ZNF202: variants seen among roughly 807,000 people sequenced by gnomAD.
The protein encoded by ZNF202 is zinc finger protein with KRAB and SCAN domains 10.
Under a neutral mutation model 54.5 loss-of-function variants are expected in ZNF202, and 22 were observed. That is an observed-to-expected ratio of 0.40 (90% confidence interval 0.29 to 0.58). The LOEUF is 0.58. Ranked by LOEUF, ZNF202 falls within the 20% of genes least tolerant of loss-of-function variation. The pLI is 0.39. For synonymous variants in ZNF202, 294 were observed against 301.4 expected (o/e 0.98, Z 0.26); for missense variants, 644 against 805.5 (o/e 0.80, Z 2.43).
intron 3 of ZNF202, among the ~76,000 whole-genome samples, chr11:123,735,950 T>C (rs1175606845): frequency 1.3e-5 from 2 of 152,160 alleles, no homozygotes; most frequent in African/African-American, 4.8e-5. Context: ...GAGAATACAA[T>C]AGAGAGAATA....
rs1861057853 is a variant in ZNF202, at chr11:123,724,871, G to A, written c.*1126C>T. ...AGAGTACTCAGTCAGGGATGATGGG[G>A]ACAGGGTGTCAGAACAGTCTTGATG... On this transcript the variant is annotated 3_prime_UTR_variant, in exon 9 of 9. Coordinates refer to ENST00000530393, the MANE Select transcript of ZNF202 (RefSeq NM_003455.4). The A allele has an allele frequency of 6.6e-6, 1 of 152,298 alleles. No individual in the cohort carries two copies. Among genetic ancestry groups the A allele is most frequent in the Admixed American group, 6.5e-5 (1 of 15,286 alleles). 9.4% of individuals were successfully genotyped at this position (152,298 alleles called of 1,614,324 possible). A position where few individuals can be genotyped will look rare whatever the true frequency, so the allele number is the denominator to read the frequency against.
rs148736975 is a variant in ZNF202, at chr11:123,728,355, TAGG to T, written c.703-96_703-94del. 2.1e-4 allele frequency: 291 copies of T among 1,411,524 alleles called. 4 individuals are homozygous for T. In the East Asian group the frequency reaches 8.4e-3, roughly 41 times the overall value. The allele number at this position is 1,411,524 out of a possible 1,614,324, so 87.4% of individuals were successfully genotyped here. Reference sequence around the variant, plus strand: ...AGGTCATACAATAGGTGGACTCCTCTAGGAGATGAAAGGAGCTTGAGTGGCGGG... The same window carrying T: ...AGGTCATACAATAGGTGGACTCCTCTAGATGAAAGGAGCTTGAGTGGCGGG... On this transcript the variant is annotated intron_variant, in intron 6 of 8. Transcript: ENST00000530393.
chr11:123,730,474 TC>T lies in ZNF202; in HGVS notation c.402+12del, dbSNP rs769019397. The T allele has an allele frequency of 4.0e-6, 6 of 1,516,830 alleles. No individual in the cohort carries two copies. The highest frequency in any genetic ancestry group is 2.2e-5 in the Admixed American group (1 of 44,446). The allele number at this position is 1,516,830 out of a possible 1,614,324, so 94.0% of individuals were successfully genotyped here. On this transcript the variant is annotated intron_variant, in intron 4 of 8. Coordinates refer to ENST00000530393, the MANE Select transcript of ZNF202 (RefSeq NM_003455.4). This position sits in a 1 kb window ranked among gnomAD's most constrained non-coding sequence, Gnocchi z 6.0. ...CCCTCCACATCACACAGATCAGGAC[TC>T]CCCCTCCTCACCCACCGCCTTGGTC...
intron 7 of ZNF202, 110 bp downstream of exon 7, chr11:123,728,023 G>T: frequency 1.6e-6 from 2 of 1,228,972 alleles, no homozygotes; most frequent in Non-Finnish European, 1.1e-6. Flanking sequence ...GGTGGGGAAG[G>T]CATAAGAGAA....
In ZNF202 at chr11:123,729,672, C is replaced by T. The variant is rs145114988; in HGVS notation, c.556G>A (p.Ala186Thr). Reference sequence around the variant, plus strand: ...TGGTGTGGACGCTGCTCTGCCGGTGCCCCCAGATCTGGGCTCTGTGTGGTT... The same window carrying T: ...TGGTGTGGACGCTGCTCTGCCGGTGTCCCCAGATCTGGGCTCTGTGTGGTT... ...EETTQSPDLGAPAEQRPHQEE... is the reference protein window; with the variant it reads ...EETTQSPDLGTPAEQRPHQEE... Residue 186 changes from alanine (A) to threonine (T), a missense_variant, in exon 5 of 9, where the codon GCA (alanine) becomes ACA (threonine). By Grantham distance (58) the Ala-to-Thr change is moderately conservative. This residue lies in a region of ZNF202 where 536 missense variants were observed against 635.3 expected (regional missense o/e 0.84). Transcript: ENST00000530393. 4,698 of 1,612,170 alleles carry T rather than the reference C, an allele frequency of 2.9e-3. 11 individuals are homozygous for T. Among genetic ancestry groups the T allele is most frequent in the Non-Finnish European group, 3.1e-3 (3,614 of 1,179,210 alleles).
chr11:123,726,640 G>A lies in ZNF202; in HGVS notation c.1304C>T (p.Thr435Ile). The A allele has an allele frequency of 4.3e-6, 7 of 1,614,166 alleles. No homozygotes were observed. The highest frequency in any genetic ancestry group is 1.1e-5 in the South Asian group (1 of 91,076). Residue 435 changes from threonine to isoleucine, a missense_variant, in exon 9 of 9, where the codon ACA becomes ATA. Transcript: ENST00000530393. This position sits in a 1 kb window ranked among gnomAD's most constrained non-coding sequence, Gnocchi z 6.0. The part of the protein sequence containing the change: ...YKCMECGKSY[T>I]RSSHLARHQK... ...GTGCCTGGCAAGATGTGAGCTTCGT[G>A]TGTAACTTTTTCCACATTCCATACA...
chr11:123,733,682 C>CA (rs1861509822), intron 3 of ZNF202, among the ~76,000 whole-genome samples: 1 of 152,166 alleles, frequency 6.6e-6, no homozygotes, highest in African/African-American at 2.4e-5. Flanking sequence ...CTTGGCCTCC[C>CA]AAAGCACTGT....
chr11:123,729,888 A>G (rs1861330448), intron 4 of ZNF202, 63 bp from the exon 5 acceptor site: 1 of 1,500,432 alleles, frequency 6.7e-7, no homozygotes, highest in Non-Finnish European at 8.9e-7. Context: ...TTGTCACGGG[A>G]GCTTATTTTA....
At position 123,727,509 on chromosome 11, in the gene ZNF202, G is replaced by C; in HGVS notation, c.919C>G (p.Gln307Glu). ...GTAAAACTCAGGATTTCTGGCTCTT[G>C]AGTCTCCTGAGGCTCTTGGATATCT... ...VPDIQEPQET[Q>E]EPEILSFTYT... Residue 307 changes from glutamine (Q) to glutamate (E), a missense_variant, in exon 8 of 9, where the codon CAA becomes GAA. Around this residue, in one of 3 missense-constraint regions of ZNF202, gnomAD observed 536 missense variants for 635.3 expected, o/e 0.84. Coordinates refer to ENST00000530393, the MANE Select transcript of ZNF202 (RefSeq NM_003455.4). 6.2e-7 allele frequency: 1 copy of C among 1,614,092 alleles called. No individual in the cohort carries two copies. Among genetic ancestry groups the C allele is most frequent in the East Asian group, 2.2e-5 (1 of 44,864 alleles).
chr11:123,735,279 T>C (rs190782624), intron 3 of ZNF202, among the ~76,000 whole-genome samples: 1 of 152,280 alleles, frequency 6.6e-6, no homozygotes, highest in African/African-American at 2.4e-5. Context: ...CAGCACTAGG[T>C]ACAAGAGATT....
chr11:123,734,046 GTTAT>G, intron 3 of ZNF202, among the ~76,000 whole-genome samples: 1 of 152,172 alleles, frequency 6.6e-6, no homozygotes, highest in South Asian at 2.1e-4. Context: ...TTTTCTAGTG[GTTAT>G]TTCTTTTTCC....
chr11:123,740,940 G>A (rs940831964), intron 1 of ZNF202, among the ~76,000 whole-genome samples: 6 of 151,730 alleles, frequency 4.0e-5, no homozygotes, highest in Non-Finnish European at 8.8e-5. Flanking sequence ...GGCTTGAGGG[G>A]ACCTCAGGGT....
intron 8 of ZNF202, 145 bp downstream of exon 8, chr11:123,727,331 G>C (rs1418088235): frequency 6.0e-6 from 7 of 1,162,544 alleles, no homozygotes; most frequent in Non-Finnish European, 8.4e-6. Flanking sequence ...GGCAATGACA[G>C]AAGAAATGGC....
In ZNF202 at chr11:123,726,530, C is replaced by T. The variant is rs368543851; in HGVS notation, c.1414G>A (p.Glu472Lys). The change falls in exon 9 of 9, where the codon GAG (glutamate) becomes AAG (lysine). Residue 472 changes from glutamate (E) to lysine (K), a missense_variant. By Grantham distance (56) the Glu-to-Lys change is moderately conservative (BLOSUM62 1). Coordinates refer to ENST00000530393, the MANE Select transcript of ZNF202 (RefSeq NM_003455.4). The surrounding 1 kb of genome is among the most constrained non-coding windows in gnomAD (Gnocchi z 6.0). Reference sequence around the variant, plus strand: ...GGTTTCTCCACTGATGGAGTTCTCTCAGCCTGTGTCACAGGGGAGGTCTCT... The same window carrying T: ...GGTTTCTCCACTGATGGAGTTCTCTTAGCCTGTGTCACAGGGGAGGTCTCT... ...LEETSPVTQA[E>K]RTPSVEKPYR... 4.2e-5 allele frequency: 68 copies of T among 1,614,132 alleles called. No homozygotes were observed. Among genetic ancestry groups the T allele is most frequent in the Non-Finnish European group, 5.7e-5 (67 of 1,180,054 alleles).
chr11:123,737,508 A>G (rs1453978232), intron 3 of ZNF202, among the ~76,000 whole-genome samples: 1 of 152,204 alleles, frequency 6.6e-6, no homozygotes, highest in Non-Finnish European at 1.5e-5. Flanking sequence ...AGACAGGAAG[A>G]AAGAGAAAGA....
chr11:123,741,354 AAC>A (rs2137390676), intron 1 of ZNF202, among the ~76,000 whole-genome samples, 193 bp downstream of exon 1: 1 of 152,162 alleles, frequency 6.6e-6, no homozygotes, highest in Non-Finnish European at 1.5e-5. Flanking sequence ...GCCACCAGGA[AAC>A]ACAGAGACCA....
At position 123,726,268 on chromosome 11, in the gene ZNF202, T is replaced by C; in HGVS notation, c.1676A>G (p.His559Arg). 2 of 1,614,196 alleles carry C rather than the reference T, an allele frequency of 1.2e-6. No individual in the cohort carries two copies. The highest frequency in any genetic ancestry group is 1.7e-5 in the Admixed American group (1 of 60,032). ...GCAGAGGTAGAGTTCCTCAGCAGCG[T>C]GCGTCTTCCGGTGCGCCAGGTACCG... ...HRRYLAHRKT[H>R]AAEELYLCSE... is the part of the protein sequence containing the mutation. Residue 559 changes from histidine (H) to arginine (R), a missense_variant, in exon 9 of 9, where the codon CAC (histidine) becomes CGC (arginine). His to Arg is a conservative substitution (Grantham distance 29, BLOSUM62 0). This residue lies in a region of ZNF202 where 536 missense variants were observed against 635.3 expected (regional missense o/e 0.84). Transcript: ENST00000530393. The surrounding 1 kb of genome is among the most constrained non-coding windows in gnomAD (Gnocchi z 6.0).
At chr11:123,733,834 C>G (rs1194118549) in intron 3 of ZNF202, among the ~76,000 whole-genome samples, 1 of 152,226 alleles carries the variant, frequency 6.6e-6, no homozygotes, top group Non-Finnish European at 1.5e-5. Flanking sequence ...GGAGAACCCA[C>G]TTCCTTGCAC....
intron 1 of ZNF202, among the ~76,000 whole-genome samples, chr11:123,741,341 C>A (rs1002065223): frequency 1.5e-4 from 23 of 152,096 alleles, no homozygotes; most frequent in African/African-American, 5.6e-4. Flanking sequence ...GATACTGGCT[C>A]CGGCCACCAG....
Sources: allele counts gnomAD v4.1 joint callset (sites outside exome capture counted in the v4.1 genomes callset), GRCh38; gene constraint gnomAD v4.1.1; regional missense constraint gnomAD v4.1.1; non-coding constraint Gnocchi (gnomAD v3.1); transcripts MANE v1.5; gene names NCBI Gene and HGNC (gene_info 2026-07-23, HGNC 2026-07-21).